Variants in COLGALT2 observed in about 807,000 individuals in gnomAD.
The protein encoded by COLGALT2 is collagen beta(1-O)galactosyltransferase 2.
COLGALT2 carries 49 observed loss-of-function variants against 73.4 expected under a neutral mutation model. That is an observed-to-expected ratio of 0.67 (90% confidence interval 0.53 to 0.85). The LOEUF is 0.85. Among genes scored for constraint, COLGALT2 ranks in the 40% least tolerant of loss-of-function variants. COLGALT2 has a pLI of 0.00. For missense variants in COLGALT2, 722 were observed against 790.2 expected, an observed-to-expected ratio of 0.91 and a Z score of 1.03; for synonymous variants, 295 against 307.6, an observed-to-expected ratio of 0.96 and a Z score of 0.43.
intron 1 of COLGALT2, among the ~76,000 whole-genome samples, chr1:184,036,676 T>A (rs935254058): frequency 1.3e-5 from 2 of 152,154 alleles, no homozygotes; most frequent in African/African-American, 4.8e-5. Flanking sequence ...CGTATCTACA[T>A]GGGAATACGG....
chr1:184,023,648 G>T (rs778278650), intron 1 of COLGALT2, among the ~76,000 whole-genome samples: 7,717 of 143,222 alleles, frequency 0.054, 340 homozygotes, highest in African/African-American at 0.13. Flanking sequence ...TGAGGTGGGG[G>T]GGGGGGGCGG....
intron 1 of COLGALT2, among the ~76,000 whole-genome samples, chr1:184,011,346 T>C (rs1317027665): frequency 2.0e-5 from 3 of 152,324 alleles, no homozygotes; most frequent in East Asian, 1.9e-4. Context: ...TCCAACATAG[T>C]TGTCTGACAA....
At position 183,936,114 on chromosome 1, in the gene COLGALT2, G is replaced by C; in HGVS notation, c.*2647C>G. 1 of 985,718 alleles carries C rather than the reference G, an allele frequency of 1.0e-6. No homozygotes were observed. The highest frequency in any genetic ancestry group is 1.7e-5 in the African/African-American group (1 of 57,392). 61.1% of individuals were successfully genotyped at this position (985,718 alleles called of 1,614,324 possible). A position where few individuals can be genotyped will look rare whatever the true frequency, so the allele number is the denominator to read the frequency against. On this transcript the variant is annotated 3_prime_UTR_variant, in exon 12 of 12. Coordinates refer to ENST00000361927, the MANE Select transcript of COLGALT2 (RefSeq NM_015101.4). ...GAAGATCCCACGTTAGATCCCAAGA[G>C]AAATCCAGACAGGGTTTAGCCTCCA...
At chr1:184,000,147 G>A (rs572648362) in intron 1 of COLGALT2, among the ~76,000 whole-genome samples, 178 of 152,062 alleles carry the variant, frequency 1.2e-3, no homozygotes, top group African/African-American at 3.2e-3. Context: ...TTTGGTTTCC[G>A]TCTGGTTGTG....
intron 1 of COLGALT2, among the ~76,000 whole-genome samples, chr1:184,009,272 C>T (rs1005462140): frequency 6.6e-6 from 1 of 152,132 alleles, no homozygotes; most frequent in Non-Finnish European, 1.5e-5. Context: ...TTAAGAACAA[C>T]AAAATTTTCC....
At chr1:183,959,796 C>T (rs1019286417) in intron 6 of COLGALT2, among the ~76,000 whole-genome samples, 3 of 152,102 alleles carry the variant, frequency 2.0e-5, no homozygotes, top group South Asian at 2.1e-4. Flanking sequence ...CCAGAATGTT[C>T]GGTGTGATCT....
At chr1:183,984,983 C>T (rs1043782959) in intron 1 of COLGALT2, among the ~76,000 whole-genome samples, 20 of 151,018 alleles carry the variant, frequency 1.3e-4, no homozygotes, top group African/African-American at 4.4e-4. Context: ...CAGGATGAGA[C>T]GCTTTACTGC....
At chr1:183,955,543 ACTT>A (rs1651476315) in intron 6 of COLGALT2, among the ~76,000 whole-genome samples, 1 of 152,122 alleles carries the variant, frequency 6.6e-6, no homozygotes, top group Non-Finnish European at 1.5e-5. Flanking sequence ...GAGTGACACT[ACTT>A]CTTCAATAAT....
rs1420165251 is a variant in COLGALT2 at position 183,938,249 on chromosome 1, TTAAA to T, written c.*508_*511del. 1.0e-6 allele frequency: 1 copy of T among 985,920 alleles called. No homozygotes were observed. Among genetic ancestry groups the T allele is most frequent in the African/African-American group, 1.8e-5 (1 of 57,066 alleles). The allele number at this position is 985,920 out of a possible 1,614,324, so 61.1% of individuals were successfully genotyped here. On this transcript the variant is annotated 3_prime_UTR_variant, in exon 12 of 12. Transcript: ENST00000361927. ...TCAATAAGACTTGTGACAGAATCCT[TTAAA>T]TAAAAAGCCAAATAAATATGATTTT... is the stretch of plus-strand genomic sequence containing the variant.
At chr1:183,994,812 G>C (rs949453699) in intron 1 of COLGALT2, among the ~76,000 whole-genome samples, 5 of 152,170 alleles carry the variant, frequency 3.3e-5, no homozygotes, top group Non-Finnish European at 7.3e-5. Context: ...TTTCTTTTTG[G>C]TAAGGTCTTA....
intron 1 of COLGALT2, among the ~76,000 whole-genome samples, chr1:183,980,764 C>G (rs1558324063): frequency 6.6e-6 from 1 of 151,958 alleles, no homozygotes; most frequent in Non-Finnish European, 1.5e-5. Context: ...CACACACAGG[C>G]ACACAACTAC....
chr1:183,973,583 A>G lies in COLGALT2; in HGVS notation c.627+33T>C, dbSNP rs746794870. 3.7e-6 allele frequency: 6 copies of G among 1,613,250 alleles called. No homozygotes were observed. The East Asian group carries it at 8.9e-5, about 24-fold the overall frequency. Reference sequence around the variant, plus strand: ...GACCGGGTGTTGCCTTGTTAAAACTAGTAGCCTTAATTCATTTAAGCAAAA... The same window carrying G: ...GACCGGGTGTTGCCTTGTTAAAACTGGTAGCCTTAATTCATTTAAGCAAAA... On this transcript the variant is annotated intron_variant, in intron 4 of 11. Coordinates refer to ENST00000361927, the MANE Select transcript of COLGALT2 (RefSeq NM_015101.4).
downstream of COLGALT2, among the ~76,000 whole-genome samples, chr1:183,935,533 C>T (rs188358001): frequency 7.7e-4 from 117 of 152,304 alleles, no homozygotes; most frequent in African/African-American, 2.6e-3. Flanking sequence ...TTTTGATGAA[C>T]GGATAGGCTG....
chr1:183,972,724 G>C (rs10911475), intron 4 of COLGALT2, among the ~76,000 whole-genome samples: 10,944 of 151,154 alleles, frequency 0.072, 1,012 homozygotes, highest in East Asian at 0.49. Flanking sequence ...TTTTGAGAGG[G>C]AGTCTCGCTC....
rs192492457 is a variant in COLGALT2 at position 183,953,811 on chromosome 1, C to T, written c.1029+951G>A. Among the ~76,000 whole-genome samples the T allele has an allele frequency of 1.3e-3, 203 of 152,278 alleles. 1 individual carries two copies. Among genetic ancestry groups the T allele is most frequent in the Non-Finnish European group, 1.7e-3 (114 of 68,016 alleles). ...GAAGTATAGCTCCAAATCAGTCTTA[C>T]GGAAGAAATCTTAATTCCCAGTTCT... On this transcript the variant is annotated intron_variant, in intron 7 of 11. Coordinates refer to ENST00000361927, the MANE Select transcript of COLGALT2 (RefSeq NM_015101.4).
chr1:183,977,841 G>GAGAGAGAGAGAGAGAGAGAGAA (rs1558322952), intron 2 of COLGALT2, among the ~76,000 whole-genome samples: 13 of 134,136 alleles, frequency 9.7e-5, no homozygotes, highest in African/African-American at 3.6e-4. Flanking sequence ...AGAGAAAGAA[G>GAGAGAGAGAGAGAGAGAGAGAA]AGAAGAGAAG....
chr1:183,972,803 C>T (rs1270152798), intron 4 of COLGALT2, among the ~76,000 whole-genome samples: 1 of 152,048 alleles, frequency 6.6e-6, no homozygotes, highest in Non-Finnish European at 1.5e-5. Context: ...AAGTTCACGC[C>T]ATTCTCCTGC....
At chr1:184,017,928 T>C (rs904413168) in intron 1 of COLGALT2, among the ~76,000 whole-genome samples, 2 of 152,172 alleles carry the variant, frequency 1.3e-5, no homozygotes, top group African/African-American at 4.8e-5. Flanking sequence ...AATGAGTTAA[T>C]TCATGGGAAC....
At chr1:183,974,763 C>T (rs1472116197) in intron 3 of COLGALT2, among the ~76,000 whole-genome samples, 1 of 152,154 alleles carries the variant, frequency 6.6e-6, no homozygotes, top group African/African-American at 2.4e-5. Flanking sequence ...CAAATTCTTC[C>T]AAAAAGTTGT....
Sources: gnomAD v4.1 joint callset for allele counts (sites outside exome capture counted in the v4.1 genomes callset) on GRCh38, gnomAD v4.1.1 for gene constraint, MANE v1.5 for transcripts, NCBI Gene and HGNC (gene_info 2026-07-23, HGNC 2026-07-21) for gene names.